Variants in SYNPO observed in about 807,000 individuals in gnomAD.
SYNPO encodes synaptopodin.
SYNPO carries 19 observed loss-of-function variants against 49.5 expected under a neutral mutation model. The ratio of observed to expected loss-of-function variants is 0.38; its 90% CI spans 0.27 to 0.56. The LOEUF is 0.56. Among genes scored for constraint, SYNPO ranks in the 20% least tolerant of loss-of-function variants. The pLI is 0.68. For synonymous variants in SYNPO, 536 were observed against 548.0 expected (o/e 0.98, Z 0.31); for missense variants, 1,131 against 1,248.3 (o/e 0.91, Z 1.42).
intron 2 of SYNPO, among the ~76,000 whole-genome samples, chr5:150,626,493 G>A (rs184288026): frequency 2.3e-4 from 35 of 152,266 alleles, no homozygotes; most frequent in African/African-American, 6.5e-4. Flanking sequence ...GGCCTGCCCC[G>A]TCTTTGCAAG....
At chr5:150,610,775 G>A (rs1324990835) in intron 1 of SYNPO, among the ~76,000 whole-genome samples, 1 of 151,978 alleles carries the variant, frequency 6.6e-6, no homozygotes, top group East Asian at 1.9e-4. Context: ...AACGAACTTG[G>A]AAAAGAATGT....
At chr5:150,622,796 C>G (rs2151375431) in intron 2 of SYNPO, among the ~76,000 whole-genome samples, 1 of 152,344 alleles carries the variant, frequency 6.6e-6, no homozygotes, top group East Asian at 1.9e-4. Context: ...CTCCCCTGCT[C>G]CACAGTGATT....
intron 1 of SYNPO, among the ~76,000 whole-genome samples, chr5:150,643,092 C>T (rs1757966573): frequency 1.3e-5 from 2 of 152,164 alleles, no homozygotes; most frequent in Admixed American, 1.3e-4. Context: ...AGGAGAAAAG[C>T]AGAAAAATGC....
At position 150,649,571 on chromosome 5, in the gene SYNPO, G is replaced by T; in HGVS notation, c.1296G>T (p.Gln432His). The change falls in exon 2 of 3, where the codon CAG becomes CAT. Residue 432 changes from glutamine to histidine, a missense_variant. Physicochemically the swap from Gln to His is conservative, Grantham distance 24. Coordinates refer to ENST00000307662, the MANE Select transcript of SYNPO (RefSeq NM_007286.6). ...GGGCCGAGGCCTCCAACTTCCAGCA[G>T]GAGCCAGCACCTCGTGACAGGGCCA... is the stretch of plus-strand genomic sequence containing the variant. ...ALGAEASNFQ[Q>H]EPAPRDRASP... 2 of 1,610,632 alleles carry T rather than the reference G, an allele frequency of 1.2e-6. No homozygotes were observed. Among genetic ancestry groups the T allele is most frequent in the South Asian group, 1.1e-5 (1 of 90,858 alleles).
At chr5:150,594,565 T>G in the SYNPO span, among the ~76,000 whole-genome samples, 14 of 152,228 alleles carry the variant, frequency 9.2e-5, 1 homozygote, top group South Asian at 2.9e-3. Context: ...CCTTCCCCTC[T>G]CCCTGGGCCT....
chr5:150,634,678 G>A (rs368443632), intron 2 of SYNPO, among the ~76,000 whole-genome samples: 3 of 151,992 alleles, frequency 2.0e-5, no homozygotes, highest in South Asian at 2.1e-4. Flanking sequence ...AAAATTAGCC[G>A]GGTGTGGTGG....
chr5:150,618,060 C>T (rs1025010708), intron 1 of SYNPO: 13 of 262,126 alleles, frequency 5.0e-5, no homozygotes, highest in Admixed American at 4.9e-5. Flanking sequence ...GAACCCCAAG[C>T]GAGCTTTCTC....
chr5:150,615,683 A>T (rs961263266), intron 1 of SYNPO, among the ~76,000 whole-genome samples: 2 of 152,228 alleles, frequency 1.3e-5, no homozygotes, highest in Non-Finnish European at 2.9e-5. Context: ...AGATTCTTTG[A>T]AACTCAAATG....
chr5:150,613,743 C>T (rs901841996), intron 1 of SYNPO, among the ~76,000 whole-genome samples: 5 of 152,150 alleles, frequency 3.3e-5, no homozygotes, highest in South Asian at 2.1e-4. Flanking sequence ...CTCCCTTCTC[C>T]GCCCTATAGC....
chr5:150,651,296 G>A (rs568577812), intron 2 of SYNPO: 8 of 1,000,962 alleles, frequency 8.0e-6, no homozygotes, highest in East Asian at 1.1e-4. Context: ...GGAGGGTTCC[G>A]GTCCCATGTC....
intron 1 of SYNPO, among the ~76,000 whole-genome samples, chr5:150,642,340 G>A (rs1002736534): frequency 9.2e-5 from 14 of 152,184 alleles, no homozygotes; most frequent in Admixed American, 7.2e-4. Context: ...CCTATCTTCA[G>A]GGCTCCTGAT....
intron 1 of SYNPO, among the ~76,000 whole-genome samples, chr5:150,614,355 G>C (rs1044156643): frequency 1.8e-4 from 28 of 152,302 alleles, no homozygotes; most frequent in Admixed American, 1.6e-3. Context: ...CCAACAGTTG[G>C]AGCCCTGGGG....
chr5:150,653,935 G>C (rs942182326), intron 2 of SYNPO: 1 of 152,178 alleles, frequency 6.6e-6, no homozygotes, highest in African/African-American at 2.4e-5. Flanking sequence ...TTCTTCTTTA[G>C]GTTAAAGGGC....
intron 2 of SYNPO, among the ~76,000 whole-genome samples, chr5:150,630,390 C>T (rs1005883911): frequency 1.9e-4 from 29 of 152,280 alleles, no homozygotes; most frequent in Non-Finnish European, 2.2e-4. Flanking sequence ...CCTTCTGGGC[C>T]GCTTAGTTCT....
intron 2 of SYNPO, among the ~76,000 whole-genome samples, chr5:150,620,925 C>G (rs1472529226): frequency 1.5e-5 from 2 of 134,178 alleles, no homozygotes; most frequent in African/African-American, 5.7e-5. Flanking sequence ...TTCTTTCTTT[C>G]TTTCTTTCTT....
intron 1 of SYNPO, among the ~76,000 whole-genome samples, chr5:150,604,547 G>A (rs1756638373): frequency 6.6e-6 from 1 of 152,168 alleles, no homozygotes; most frequent in African/African-American, 2.4e-5. Flanking sequence ...ATATCTACCG[G>A]TGGCAATGTT....
At chr5:150,650,410 T>C in intron 2 of SYNPO, 107 bp downstream of exon 2, 1 of 1,564,888 alleles carries the variant, frequency 6.4e-7, no homozygotes, top group Admixed American at 1.9e-5. Flanking sequence ...TGGCAGGAAA[T>C]GGCACAGAGC....
Position 150,648,922 on chromosome 5 carries a change from C to T in SYNPO, c.647C>T (p.Thr216Ile). 1 of 1,614,244 alleles carries T rather than the reference C, an allele frequency of 6.2e-7. No individual in the cohort carries two copies. Among genetic ancestry groups the T allele is most frequent in the Non-Finnish European group, 8.5e-7 (1 of 1,180,046 alleles). The change falls in exon 2 of 3, where the codon ACC (threonine) becomes ATC (isoleucine). Residue 216 changes from threonine to isoleucine, a missense_variant. Transcript: ENST00000307662. This position sits in a 1 kb window ranked among gnomAD's most constrained non-coding sequence, Gnocchi z 5.0. ...GAGATGTCTGGGCGAGCAGCTGCCA[C>T]CACGCCCACCAAGGTCTACAGTGAG... ...DQEMSGRAAA[T>I]TPTKVYSEVH...
intron 2 of SYNPO, chr5:150,651,479 G>T: frequency 1.5e-5 from 15 of 1,000,742 alleles, no homozygotes; most frequent in Non-Finnish European, 1.8e-5. Flanking sequence ...TGGGAAGAAA[G>T]AGAAAGGAAA....
Sources: allele counts gnomAD v4.1 joint callset (sites outside exome capture counted in the v4.1 genomes callset), GRCh38; gene constraint gnomAD v4.1.1; non-coding constraint Gnocchi (gnomAD v3.1); transcripts MANE v1.5; gene names NCBI Gene and HGNC (gene_info 2026-07-23, HGNC 2026-07-21).